Variants in PLCE1 observed in about 807,000 individuals in gnomAD.
The protein encoded by PLCE1 is 1-phosphatidylinositol 4,5-bisphosphate phosphodiesterase epsilon-1.
PLCE1 carries 119 observed loss-of-function variants against 242.8 expected under a neutral mutation model. That is an observed-to-expected ratio of 0.49 (90% CI 0.42 to 0.57). PLCE1 has a LOEUF of 0.57. PLCE1 is among the 20% of genes least tolerant of loss of function. The pLI is 0.00. For missense variants in PLCE1, 2,441 were observed against 2,788.8 expected (o/e 0.88, Z 2.81); for synonymous variants, 945 against 1,017.4 (o/e 0.93, Z 1.35).
intron 4 of PLCE1, among the ~76,000 whole-genome samples, chr10:94,176,805 A>G (rs979747799): frequency 6.6e-6 from 1 of 152,196 alleles, no homozygotes; most frequent in African/African-American, 2.4e-5. Context: ...ACAAATATCT[A>G]CCAAAAAAGG....
At chr10:94,295,801 C>T (rs1375128957) in intron 23 of PLCE1, among the ~76,000 whole-genome samples, 1 of 152,192 alleles carries the variant, frequency 6.6e-6, no homozygotes, top group Non-Finnish European at 1.5e-5. Flanking sequence ...CATGAAAAAT[C>T]ATGCTGTAAA....
Position 94,171,238 on chromosome 10 carries a change from G to C in PLCE1, c.1551G>C (p.Gly517=). ...ATGCCCTCCCTTCAAGTTCAGCTGG[G>C]ATCAGCAAGGAGCTGATCGATCTGC... ...NSNALPSSSA[G]ISKELIDLQP... Residue 517 remains glycine (G), a synonymous_variant, in exon 4 of 33, where the codon GGG becomes GGC. Coordinates refer to ENST00000371380, the MANE Select transcript of PLCE1 (RefSeq NM_016341.4). 6.2e-7 allele frequency: 1 copy of C among 1,614,202 alleles called. No individual in the cohort carries two copies. The highest frequency in any genetic ancestry group is 1.7e-5 in the Admixed American group (1 of 60,030).
At chr10:94,004,145 CAA>C (rs763037452) in intron 1 of PLCE1, among the ~76,000 whole-genome samples, 1 of 132,656 alleles carries the variant, frequency 7.5e-6, no homozygotes. Flanking sequence ...GATTCCATCT[CAA>C]AAAAAAAAAA....
chr10:94,296,151 A>G (rs531551672), intron 23 of PLCE1, among the ~76,000 whole-genome samples: 2 of 152,232 alleles, frequency 1.3e-5, no homozygotes, highest in Admixed American at 1.3e-4. Flanking sequence ...TCACAAGGTC[A>G]GGAGATCGAG....
intron 23 of PLCE1, among the ~76,000 whole-genome samples, chr10:94,296,001 T>C (rs1473915191): frequency 1.3e-5 from 2 of 152,304 alleles, no homozygotes; most frequent in Non-Finnish European, 2.9e-5. Context: ...CATTGACTTA[T>C]CTTCTCTAGC....
intron 11 of PLCE1, among the ~76,000 whole-genome samples, chr10:94,257,521 A>C (rs1207379563): frequency 6.6e-6 from 1 of 152,212 alleles, no homozygotes; most frequent in Non-Finnish European, 1.5e-5. Flanking sequence ...GAACCAACCC[A>C]AATGTCCATC....
At chr10:94,156,490 G>A (rs2047437478) in intron 3 of PLCE1, among the ~76,000 whole-genome samples, 1 of 152,186 alleles carries the variant, frequency 6.6e-6, no homozygotes, top group Non-Finnish European at 1.5e-5. Context: ...CAAATGAACA[G>A]CCAGATGAAG....
intron 2 of PLCE1, among the ~76,000 whole-genome samples, chr10:94,059,122 G>A (rs1186650435): frequency 6.6e-6 from 1 of 152,176 alleles, no homozygotes; most frequent in Non-Finnish European, 1.5e-5. Flanking sequence ...TCATGATGGA[G>A]AAGGAGAAAA....
chr10:94,236,780 T>C (rs184163627), intron 7 of PLCE1, among the ~76,000 whole-genome samples: 4 of 152,292 alleles, frequency 2.6e-5, no homozygotes, highest in Non-Finnish European at 5.9e-5. Flanking sequence ...GCAATCTATA[T>C]ATAGAGAGAA....
intron 20 of PLCE1, among the ~76,000 whole-genome samples, chr10:94,282,221 A>T (rs770616770): frequency 2.4e-4 from 36 of 151,132 alleles, no homozygotes; most frequent in South Asian, 2.1e-4. Flanking sequence ...AAAGGAATTA[A>T]TCTAACACCA....
rs1346395789 is a variant in PLCE1 at position 94,258,783 on chromosome 10, C to G, written c.3555-17C>G. On this transcript the variant is annotated splice_polypyrimidine_tract_variant and intron_variant, in intron 11 of 32. Transcript: ENST00000371380. ...TGGCCTGCCCTTGTGCCCATGAAGG[C>G]CTTGTCTTTGTTGCAGTGCTTGGAG... 1.9e-6 allele frequency: 3 copies of G among 1,613,878 alleles called. No individual in the cohort carries two copies. Among genetic ancestry groups the G allele is most frequent in the African/African-American group, 1.3e-5 (1 of 74,896 alleles).
chr10:94,188,324 G>T (rs1010294487), intron 4 of PLCE1, among the ~76,000 whole-genome samples: 2 of 152,068 alleles, frequency 1.3e-5, no homozygotes, highest in African/African-American at 2.4e-5. Context: ...TTAATTTTTA[G>T]CTATGGAAAC....
At chr10:94,308,094 A>G (rs771855102) in intron 26 of PLCE1, among the ~76,000 whole-genome samples, 2 of 152,228 alleles carry the variant, frequency 1.3e-5, no homozygotes, top group Non-Finnish European at 2.9e-5. Flanking sequence ...TAATGTATAC[A>G]GTGAGCAACC....
rs770475193 is a variant in PLCE1 at position 94,324,384 on chromosome 10, G to A, written c.6537G>A (p.Leu2179=). 5.3e-5 allele frequency: 86 copies of A among 1,614,000 alleles called. No homozygotes were observed. The highest frequency in any genetic ancestry group is 7.0e-5 in the Non-Finnish European group (83 of 1,180,030). The change falls in exon 31 of 33, where the codon CTG becomes CTA. Residue 2179 remains leucine, a synonymous_variant. Transcript: ENST00000371380. ...AAGCCAAATATTCCTACAGCATCCT[G>A]AGCAACCCCAATCCAAGCGACTATG... is the stretch of plus-strand genomic sequence containing the variant. The part of the protein sequence containing the change: ...LCKAKYSYSI[L]SNPNPSDYVL...
rs1289346091 is a variant in PLCE1 at position 94,245,964 on chromosome 10, G to C, written c.2439G>C (p.Leu813Phe). ...CCTTAAGGTTTATAATTGGAGATTTGTTGGATTCAGACAATGACATCTTTG... is the reference window on the plus strand; with the variant it reads ...CCTTAAGGTTTATAATTGGAGATTTCTTGGATTCAGACAATGACATCTTTG... ...KSRWQFIIGD[L>F]LDSDNDIFEQ... The change falls in exon 8 of 33, where the codon TTG (leucine) becomes TTC (phenylalanine). Residue 813 changes from leucine (L) to phenylalanine (F), a missense_variant. Physicochemically the swap from Leu to Phe is conservative, Grantham distance 22 (BLOSUM62 0). Around this residue, in one of 5 missense-constraint regions of PLCE1, gnomAD observed 733 missense variants for 754.2 expected, o/e 0.97. Transcript: ENST00000371380. 1 of 1,613,880 alleles carries C rather than the reference G, an allele frequency of 6.2e-7. No individual in the cohort carries two copies. The highest frequency in any genetic ancestry group is 8.5e-7 in the Non-Finnish European group (1 of 1,179,890).
rs1323544941 is a variant in PLCE1 at position 94,304,650 on chromosome 10, G to A, written c.5622+5G>A. ...CCTGCAGTCTATTCTTTAACTGTAA[G>A]TACGGCCCCTAGAGAAAGAACATAA... On this transcript the variant is annotated splice_donor_5th_base_variant and intron_variant, in intron 25 of 32. Coordinates refer to ENST00000371380, the MANE Select transcript of PLCE1 (RefSeq NM_016341.4). 6.2e-7 allele frequency: 1 copy of A among 1,613,648 alleles called. No individual in the cohort carries two copies. Among genetic ancestry groups the A allele is most frequent in the Non-Finnish European group, 8.5e-7 (1 of 1,179,850 alleles).
chr10:94,290,913 A>G lies in PLCE1; in HGVS notation c.5036-2595A>G, dbSNP rs530594016. On this transcript the variant is annotated intron_variant, in intron 22 of 32. Coordinates refer to ENST00000371380, the MANE Select transcript of PLCE1 (RefSeq NM_016341.4). ...CCAATCTAATCACAAGCACTTGAGTAATGTGTTATGCTATGGATGTTAGGA... is the reference window on the plus strand; with the variant it reads ...CCAATCTAATCACAAGCACTTGAGTGATGTGTTATGCTATGGATGTTAGGA... Among the ~76,000 whole-genome samples the G allele has an allele frequency of 3.9e-5, 6 of 152,276 alleles. No homozygotes were observed. In the East Asian group the frequency reaches 9.6e-4, roughly 24 times the overall value.
intron 2 of PLCE1, chr10:94,104,341 C>G (rs1000180639): frequency 2.0e-5 from 3 of 152,126 alleles, no homozygotes; most frequent in Non-Finnish European, 1.5e-5. Flanking sequence ...AGCTTGCCTT[C>G]GGTGTGCATT....
chr10:94,256,125 G>A (rs1003555771), intron 11 of PLCE1, among the ~76,000 whole-genome samples: 6 of 151,460 alleles, frequency 4.0e-5, no homozygotes, highest in African/African-American at 1.2e-4. Context: ...CCAGGAATTC[G>A]AGACCAGCCT....
Sources: allele counts gnomAD v4.1 joint callset (sites outside exome capture counted in the v4.1 genomes callset), GRCh38; gene constraint gnomAD v4.1.1; regional missense constraint gnomAD v4.1.1; transcripts MANE v1.5; gene names NCBI Gene and HGNC (gene_info 2026-07-23, HGNC 2026-07-21).